Variants in NTN1 observed in about 807,000 individuals in gnomAD.
NTN1 encodes the protein netrin-1.
Under a neutral mutation model 54.2 loss-of-function variants are expected in NTN1, and 11 were observed. The observed-to-expected ratio is 0.20, with a 90% CI of 0.13 to 0.34. The LOEUF (loss-of-function observed/expected upper bound fraction) is 0.34, where lower values mean the gene tolerates loss of function less well. Ranked by LOEUF, NTN1 falls within the 10% of genes least tolerant of loss-of-function variation. The probability of loss-of-function intolerance (pLI) is 1.00; values close to 1 mark genes in which losing one functional copy is unlikely to be tolerated. For synonymous variants in NTN1, 371 were observed against 382.0 expected (o/e 0.97, Z 0.33); for missense variants, 740 against 893.1 (o/e 0.83, Z 2.18).
At chr17:9,111,174 G>A (rs2092189179) in intron 2 of NTN1, among the ~76,000 whole-genome samples, 1 of 151,986 alleles carries the variant, frequency 6.6e-6, no homozygotes, top group Non-Finnish European at 1.5e-5. Flanking sequence ...CTGATCTCGT[G>A]ATCCGCCTGC....
the NTN1 span, among the ~76,000 whole-genome samples, chr17:9,012,169 C>G: frequency 3.3e-5 from 5 of 152,088 alleles, no homozygotes; most frequent in Non-Finnish European, 5.9e-5. Flanking sequence ...TGGTCTAGCT[C>G]TCAGCCTCCC....
At chr17:9,044,550 T>C (rs1385338151) in intron 2 of NTN1, among the ~76,000 whole-genome samples, 1 of 152,028 alleles carries the variant, frequency 6.6e-6, no homozygotes, top group African/African-American at 2.4e-5. Flanking sequence ...GGCATGTTTT[T>C]TAGTTTGGTT....
chr17:9,156,843 TCTAA>T (rs957622529), intron 2 of NTN1, among the ~76,000 whole-genome samples: 19 of 152,220 alleles, frequency 1.2e-4, no homozygotes, highest in African/African-American at 4.6e-4. Context: ...GCCCTACCTG[TCTAA>T]CTATCTAACT....
At chr17:9,112,888 C>T (rs930565916) in intron 2 of NTN1, among the ~76,000 whole-genome samples, 1 of 151,752 alleles carries the variant, frequency 6.6e-6, no homozygotes, top group African/African-American at 2.4e-5. Flanking sequence ...TCTAGCATCC[C>T]CAAGCTCAAG....
intron 2 of NTN1, among the ~76,000 whole-genome samples, chr17:9,055,382 G>A (rs1380982973): frequency 6.6e-6 from 1 of 152,214 alleles, no homozygotes; most frequent in Non-Finnish European, 1.5e-5. Context: ...TCAAAAAGCT[G>A]ATGTTCTATT....
At chr17:9,099,220 A>C (rs1597487127) in intron 2 of NTN1, among the ~76,000 whole-genome samples, 2 of 152,338 alleles carry the variant, frequency 1.3e-5, no homozygotes, top group Non-Finnish European at 2.9e-5. Flanking sequence ...CCTGACCAAC[A>C]TGTTGAAACC....
At chr17:9,113,359 A>C (rs9907455) in intron 2 of NTN1, among the ~76,000 whole-genome samples, 18,675 of 152,092 alleles carry the variant, frequency 0.12, 1,230 homozygotes, top group African/African-American at 0.14. Flanking sequence ...ACATATAAAA[A>C]AAGGGTACAT....
At chr17:9,149,272 C>T (rs1354713870) in intron 2 of NTN1, among the ~76,000 whole-genome samples, 3 of 150,352 alleles carry the variant, frequency 2.0e-5, no homozygotes, top group African/African-American at 7.4e-5. Context: ...CACCCCCACA[C>T]ACACCCTGCT....
chr17:9,197,461 C>G (rs1163112660), intron 5 of NTN1, among the ~76,000 whole-genome samples: 1 of 151,816 alleles, frequency 6.6e-6, no homozygotes, highest in Non-Finnish European at 1.5e-5. Flanking sequence ...GAGTTCGAGA[C>G]CAGCCTGGCC....
intron 2 of NTN1, among the ~76,000 whole-genome samples, chr17:9,045,373 T>TG (rs1444941954): frequency 1.3e-5 from 2 of 152,180 alleles, no homozygotes; most frequent in Non-Finnish European, 2.9e-5. Flanking sequence ...TGACCCCAAA[T>TG]GGCTTGGTTT....
chr17:9,187,195 C>G (rs544710596), intron 5 of NTN1, among the ~76,000 whole-genome samples: 3 of 151,966 alleles, frequency 2.0e-5, no homozygotes. Context: ...TCCAGAAAGG[C>G]GGGATTGGGG....
chr17:9,011,874 C>T, the NTN1 span, among the ~76,000 whole-genome samples: 2 of 152,266 alleles, frequency 1.3e-5, no homozygotes, highest in South Asian at 4.1e-4. Flanking sequence ...AGGTGTGAGA[C>T]ACTGCGCCTG....
chr17:9,148,859 G>A (rs2092320464), intron 2 of NTN1, among the ~76,000 whole-genome samples: 1 of 151,914 alleles, frequency 6.6e-6, no homozygotes, highest in Non-Finnish European at 1.5e-5. Context: ...GGTCTCTGGA[G>A]TTTACAACCC....
intron 2 of NTN1, among the ~76,000 whole-genome samples, chr17:9,064,347 A>G (rs1319107036): frequency 6.6e-6 from 1 of 152,114 alleles, no homozygotes; most frequent in Non-Finnish European, 1.5e-5. Context: ...TGCCATTTTC[A>G]TGGCTTTCCA....
chr17:9,028,304 A>C (rs376538074), intron 2 of NTN1, among the ~76,000 whole-genome samples: 71 of 152,298 alleles, frequency 4.7e-4, no homozygotes, highest in African/African-American at 1.7e-3. Context: ...GACATGAGTC[A>C]GCAGCACAGG....
At chr17:9,068,924 G>A (rs2092024268) in intron 2 of NTN1, among the ~76,000 whole-genome samples, 1 of 152,232 alleles carries the variant, frequency 6.6e-6, no homozygotes, top group Non-Finnish European at 1.5e-5. Context: ...CTGGTGGCTG[G>A]TGTCCACACC....
chr17:9,046,850 G>T (rs2091942891), intron 2 of NTN1, among the ~76,000 whole-genome samples: 1 of 152,094 alleles, frequency 6.6e-6, no homozygotes, highest in Non-Finnish European at 1.5e-5. Flanking sequence ...AATGAGTTGT[G>T]ATACGATCCA....
chr17:9,128,514 T>G (rs2092254327), intron 2 of NTN1, among the ~76,000 whole-genome samples: 1 of 152,174 alleles, frequency 6.6e-6, no homozygotes, highest in South Asian at 2.1e-4. Context: ...CTTCTCCTTG[T>G]CCCGGTGCAA....
chr17:9,056,740 A>G (rs1323348439), intron 2 of NTN1, among the ~76,000 whole-genome samples: 2 of 152,218 alleles, frequency 1.3e-5, no homozygotes, highest in African/African-American at 2.4e-5. Context: ...CGTGCCCTGG[A>G]GTGTGATGGC....
Sources: gnomAD v4.1 joint callset for allele counts (sites outside exome capture counted in the v4.1 genomes callset) on GRCh38, gnomAD v4.1.1 for gene constraint, MANE v1.5 for transcripts, NCBI Gene and HGNC (gene_info 2026-07-23, HGNC 2026-07-21) for gene names.